Variants in GLIS3 observed in about 807,000 individuals in gnomAD.
GLIS3 encodes GLIS family zinc finger 3.
GLIS3 carries 53 observed loss-of-function variants against 78.6 expected under a neutral mutation model. That is an observed-to-expected ratio of 0.67 (90% confidence interval 0.54 to 0.85). The LOEUF (loss-of-function observed/expected upper bound fraction) is 0.85, where lower values mean the gene tolerates loss of function less well. Among genes scored for constraint, GLIS3 ranks in the 40% least tolerant of loss-of-function variants. GLIS3 has a pLI of 0.00. For missense variants in GLIS3, 1,703 were observed against 1,231.1 expected (o/e 1.38, Z -5.74); for synonymous variants, 684 against 509.9 (o/e 1.34, Z -4.60).
chr9:3,937,466 C>T (rs1362545868), intron 4 of GLIS3, among the ~76,000 whole-genome samples: 1 of 152,152 alleles, frequency 6.6e-6, no homozygotes, highest in Non-Finnish European at 1.5e-5. Context: ...CGTGAGCCAT[C>T]TGGCTCTGTT....
intron 2 of GLIS3, among the ~76,000 whole-genome samples, chr9:4,247,971 C>T (rs2129809091): frequency 6.6e-6 from 1 of 152,254 alleles, no homozygotes; most frequent in South Asian, 2.1e-4. Flanking sequence ...TCCTGCTGTG[C>T]AGTAGATCTC....
chr9:4,025,338 C>G (rs1415870101), intron 4 of GLIS3, among the ~76,000 whole-genome samples: 1 of 152,146 alleles, frequency 6.6e-6, no homozygotes, highest in East Asian at 1.9e-4. Flanking sequence ...AATAAAGCCT[C>G]TAGATATCAG....
At chr9:4,142,207 A>G (rs1196200563) in intron 2 of GLIS3, among the ~76,000 whole-genome samples, 1 of 152,248 alleles carries the variant, frequency 6.6e-6, no homozygotes, top group Non-Finnish European at 1.5e-5. Flanking sequence ...TCTCCCTAAA[A>G]TAATACTATT....
At chr9:4,172,296 C>T (rs948250793) in intron 2 of GLIS3, among the ~76,000 whole-genome samples, 1 of 152,140 alleles carries the variant, frequency 6.6e-6, no homozygotes, top group Non-Finnish European at 1.5e-5. Context: ...AACTCCTTAC[C>T]TACAACTCCA....
chr9:4,330,574 G>A (rs560525687), intron 2 of GLIS3, among the ~76,000 whole-genome samples: 1 of 150,384 alleles, frequency 6.6e-6, no homozygotes, highest in Non-Finnish European at 1.5e-5. Flanking sequence ...GAGATGAAGA[G>A]AGGTGGAGGT....
At chr9:4,079,398 C>G (rs1828354231) in intron 4 of GLIS3, among the ~76,000 whole-genome samples, 1 of 152,198 alleles carries the variant, frequency 6.6e-6, no homozygotes, top group South Asian at 2.1e-4. Context: ...CCTCCTTAAA[C>G]TGCAGGATTT....
intron 7 of GLIS3, among the ~76,000 whole-genome samples, chr9:3,893,458 T>C (rs1822597538): frequency 6.6e-6 from 1 of 152,164 alleles, no homozygotes; most frequent in South Asian, 2.1e-4. Flanking sequence ...TTCAGCTGAG[T>C]GGTTATAAGA....
chr9:3,996,060 C>T (rs1197970302), intron 4 of GLIS3, among the ~76,000 whole-genome samples: 1 of 151,866 alleles, frequency 6.6e-6, no homozygotes, highest in African/African-American at 2.4e-5. Flanking sequence ...AGTCAGATTA[C>T]TTAAAAAAAT....
At chr9:4,349,114 A>G (rs1018797634), upstream of GLIS3, among the ~76,000 whole-genome samples, 2 of 152,236 alleles carry the variant, frequency 1.3e-5, no homozygotes, top group African/African-American at 4.8e-5. Flanking sequence ...TAAGCTTACT[A>G]AACATCAGTT....
Position 3,828,493 on chromosome 9 carries a change from C to T in GLIS3, c.2657-85G>A, listed in dbSNP as rs1588038788. ...AATGCACTACAGTAATGCAGCTCAC[C>T]AAGTGAGGACTGGGGGCTAAGGAGG... is the stretch of plus-strand genomic sequence containing the variant. On this transcript the variant is annotated intron_variant, in intron 10 of 10. Coordinates refer to ENST00000381971, the MANE Select transcript of GLIS3 (RefSeq NM_001042413.2). The T allele has an allele frequency of 3.2e-6, 5 of 1,553,960 alleles. No homozygotes were observed. The East Asian group carries it at 9.1e-5, about 28-fold the overall frequency.
chr9:3,945,772 G>C (rs1356572853), intron 4 of GLIS3, among the ~76,000 whole-genome samples: 1 of 152,172 alleles, frequency 6.6e-6, no homozygotes, highest in Middle Eastern at 3.4e-3. Flanking sequence ...AGTCAGATAG[G>C]GAAAGATGAA....
intron 2 of GLIS3, among the ~76,000 whole-genome samples, chr9:4,320,575 A>G (rs1415511998): frequency 6.6e-6 from 1 of 151,684 alleles, no homozygotes; most frequent in African/African-American, 2.4e-5. Flanking sequence ...CTCTATTTCC[A>G]ACACAAAACC....
chr9:4,041,207 C>G (rs957108650), intron 4 of GLIS3, among the ~76,000 whole-genome samples: 1 of 152,164 alleles, frequency 6.6e-6, no homozygotes, highest in Non-Finnish European at 1.5e-5. Flanking sequence ...CGGGGGATGT[C>G]TAGCAATGAC....
chr9:4,473,985 C>T, the GLIS3 span, among the ~76,000 whole-genome samples: 1 of 151,504 alleles, frequency 6.6e-6, no homozygotes, highest in Admixed American at 6.6e-5. Flanking sequence ...GCTCAAAATT[C>T]ATGAACCTGG....
intron 9 of GLIS3, among the ~76,000 whole-genome samples, chr9:3,841,374 G>A (rs557305776): frequency 1.4e-4 from 22 of 152,340 alleles, no homozygotes; most frequent in African/African-American, 5.3e-4. Context: ...AGATGGATCT[G>A]AAAGCCAGCT....
intron 9 of GLIS3, among the ~76,000 whole-genome samples, chr9:3,845,511 T>G (rs1393796074): frequency 6.6e-6 from 1 of 152,204 alleles, no homozygotes; most frequent in African/African-American, 2.4e-5. Context: ...TAAGTTTCAG[T>G]ACTGTAAGGA....
intron 2 of GLIS3, among the ~76,000 whole-genome samples, chr9:4,284,764 A>C (rs1405358640): frequency 6.6e-6 from 1 of 151,926 alleles, no homozygotes; most frequent in African/African-American, 2.4e-5. Flanking sequence ...AAAAGAAAAA[A>C]AAAATTAGCC....
chr9:4,401,026 A>T, the GLIS3 span, among the ~76,000 whole-genome samples: 3 of 152,160 alleles, frequency 2.0e-5, no homozygotes, highest in East Asian at 5.8e-4. Context: ...TGTTTGAGAA[A>T]AGCAGAGGGA....
At chr9:4,437,805 A>C in the GLIS3 span, among the ~76,000 whole-genome samples, 1 of 152,192 alleles carries the variant, frequency 6.6e-6, no homozygotes, top group Admixed American at 6.5e-5. Flanking sequence ...GACCTTTAAG[A>C]TGATCCACTT....
Sources: allele counts gnomAD v4.1 joint callset (sites outside exome capture counted in the v4.1 genomes callset), GRCh38; gene constraint gnomAD v4.1.1; transcripts MANE v1.5; gene names NCBI Gene and HGNC (gene_info 2026-07-23, HGNC 2026-07-21).